Variants in PSMD14 observed in about 807,000 individuals in gnomAD.
PSMD14 encodes the protein ubiquitin C-terminal hydrolase PSMD14.
A neutral mutation model predicts 41.2 loss-of-function variants in PSMD14; 7 were observed. The observed-to-expected ratio is 0.17, with a 90% confidence interval of 0.10 to 0.32. The LOEUF is 0.32. PSMD14 is among the 10% of genes least tolerant of loss of function. The pLI is 1.00. For missense variants in PSMD14, 139 were observed against 375.6 expected (o/e 0.37, Z 5.21); for synonymous variants, 114 against 122.3 (o/e 0.93, Z 0.45).
At chr2:161,378,293 A>G (rs1483379935) in intron 7 of PSMD14, among the ~76,000 whole-genome samples, 4 of 151,990 alleles carry the variant, frequency 2.6e-5, no homozygotes, top group Non-Finnish European at 5.9e-5. Context: ...AATACATGTC[A>G]GTGCTCTATG....
intron 1 of PSMD14, among the ~76,000 whole-genome samples, chr2:161,314,655 G>A (rs575719320): frequency 7.9e-5 from 12 of 152,250 alleles, no homozygotes; most frequent in Non-Finnish European, 1.3e-4. Flanking sequence ...TTTTGTGCCT[G>A]GCTTCTTTTA....
chr2:161,367,207 A>G (rs1481430743), intron 3 of PSMD14, among the ~76,000 whole-genome samples: 1 of 152,224 alleles, frequency 6.6e-6, no homozygotes, highest in Non-Finnish European at 1.5e-5. Context: ...TTGGTACATT[A>G]TAGCCATGTT....
At chr2:161,374,646 A>G (rs1023147122) in intron 7 of PSMD14, among the ~76,000 whole-genome samples, 1 of 152,014 alleles carries the variant, frequency 6.6e-6, no homozygotes, top group Non-Finnish European at 1.5e-5. Context: ...ACATATTTAC[A>G]TATTTTAAAC....
intron 5 of PSMD14, among the ~76,000 whole-genome samples, chr2:161,369,353 C>T (rs1235946301): frequency 1.3e-5 from 2 of 151,946 alleles, no homozygotes; most frequent in Non-Finnish European, 2.9e-5. Flanking sequence ...GCATATTCTT[C>T]TTCTTTTTTA....
chr2:161,405,057 A>G (rs1036575087), intron 10 of PSMD14, among the ~76,000 whole-genome samples: 5 of 152,142 alleles, frequency 3.3e-5, no homozygotes, highest in Non-Finnish European at 5.9e-5. Context: ...AGAGTAAGCA[A>G]TATTGTCTAC....
At chr2:161,352,810 T>C (rs966689966) in intron 3 of PSMD14, among the ~76,000 whole-genome samples, 7 of 152,202 alleles carry the variant, frequency 4.6e-5, no homozygotes, top group Admixed American at 3.9e-4. Flanking sequence ...ATTTGAAAAA[T>C]GTAAAGCAAG....
intron 8 of PSMD14, among the ~76,000 whole-genome samples, chr2:161,388,214 C>G (rs548234389): frequency 5.3e-5 from 8 of 152,138 alleles, no homozygotes; most frequent in Admixed American, 2.6e-4. Flanking sequence ...TAAGTATAGT[C>G]TTGAGTACAG....
intron 10 of PSMD14, among the ~76,000 whole-genome samples, chr2:161,397,013 G>C (rs1294856584): frequency 1.3e-5 from 2 of 152,086 alleles, no homozygotes; most frequent in African/African-American, 4.8e-5. Context: ...TCTTTTAGTA[G>C]AGACGGGGTT....
At chr2:161,349,836 T>A (rs1408704197) in intron 3 of PSMD14, among the ~76,000 whole-genome samples, 1 of 152,200 alleles carries the variant, frequency 6.6e-6, no homozygotes, top group Non-Finnish European at 1.5e-5. Flanking sequence ...CTGTGAATGT[T>A]TTCTTGCCTA....
intron 5 of PSMD14, among the ~76,000 whole-genome samples, chr2:161,368,212 A>ATTTTTTTTTTTTTT (rs1311916724): frequency 6.6e-6 from 1 of 151,804 alleles, no homozygotes; most frequent in South Asian, 2.1e-4. Context: ...TGTTAGTTTG[A>ATTTTTTTTTTTTTT]TTTTGAACCA....
intron 3 of PSMD14, among the ~76,000 whole-genome samples, chr2:161,358,591 C>G (rs1412599652): frequency 6.6e-6 from 1 of 152,172 alleles, no homozygotes; most frequent in Non-Finnish European, 1.5e-5. Context: ...CACTCCTACT[C>G]TACATTTCCC....
At chr2:161,395,241 T>C (rs1683777146) in intron 10 of PSMD14, 38 bp downstream of exon 10, 11 of 1,497,094 alleles carry the variant, frequency 7.3e-6, no homozygotes, top group East Asian at 7.0e-5. Context: ...TTATAATCTT[T>C]GGAATATGTA....
At chr2:161,359,688 C>G (rs1683262224) in intron 3 of PSMD14, among the ~76,000 whole-genome samples, 1 of 152,082 alleles carries the variant, frequency 6.6e-6, no homozygotes, top group Non-Finnish European at 1.5e-5. Flanking sequence ...AAGGACATCT[C>G]AAGTTTTCTT....
chr2:161,360,231 C>G (rs974922477), intron 3 of PSMD14, among the ~76,000 whole-genome samples: 3 of 151,360 alleles, frequency 2.0e-5, no homozygotes, highest in East Asian at 3.9e-4. Flanking sequence ...ACTGTGTCCC[C>G]CAGACTGGAG....
At chr2:161,315,580 A>G (rs1293350068) in intron 1 of PSMD14, among the ~76,000 whole-genome samples, 1 of 152,146 alleles carries the variant, frequency 6.6e-6, no homozygotes, top group African/African-American at 2.4e-5. Flanking sequence ...GGATGATGTA[A>G]TAACTATAAT....
chr2:161,341,913 TATG>T (rs1223528451), intron 3 of PSMD14, among the ~76,000 whole-genome samples: 7 of 150,864 alleles, frequency 4.6e-5, no homozygotes, highest in Admixed American at 1.3e-4. Flanking sequence ...TATATTTTGA[TATG>T]ATAATTAAGA....
chr2:161,381,886 A>G (rs1184000213), intron 7 of PSMD14: 1 of 151,938 alleles, frequency 6.6e-6, no homozygotes, highest in Non-Finnish European at 1.5e-5. Context: ...GCTTCCAAAT[A>G]TTTAGTATCT....
intron 7 of PSMD14, among the ~76,000 whole-genome samples, chr2:161,380,522 C>T (rs1338053980): frequency 6.6e-6 from 1 of 151,968 alleles, no homozygotes. Context: ...CACCCCATCC[C>T]CCTTTTCTCC....
At chr2:161,319,021 G>T in intron 3 of PSMD14, 148 bp downstream of exon 3, 2 of 519,494 alleles carry the variant, frequency 3.8e-6, no homozygotes, top group South Asian at 4.0e-5. Context: ...TTGTTATCTT[G>T]CAACACTAGA....
Sources: allele counts gnomAD v4.1 joint callset (sites outside exome capture counted in the v4.1 genomes callset), GRCh38; gene constraint gnomAD v4.1.1; transcripts MANE v1.5; gene names NCBI Gene and HGNC (gene_info 2026-07-23, HGNC 2026-07-21).